The following NFAM1 variants were observed in gnomAD, a reference collection of about 807,000 sequenced individuals.
NFAM1 encodes NFAT activating protein with ITAM motif 1.
NFAM1 carries 17 observed loss-of-function variants against 29.0 expected under a neutral mutation model. The ratio of observed to expected loss-of-function variants is 0.59; its 90% CI spans 0.40 to 0.88. NFAM1 has a LOEUF of 0.88. NFAM1 is among the 40% of genes least tolerant of loss of function. The pLI, the probability that NFAM1 is intolerant of heterozygous loss-of-function variation, is 0.00. For synonymous variants in NFAM1, 175 were observed against 147.2 expected (o/e 1.19, Z -1.36); for missense variants, 324 against 344.6 (o/e 0.94, Z 0.47).
chr22:42,384,745 C>T lies in NFAM1; in HGVS notation c.*416G>A. 4.3e-6 allele frequency: 1 copy of T among 234,116 alleles called. No individual in the cohort carries two copies. The highest frequency in any genetic ancestry group is 8.5e-6 in the Non-Finnish European group (1 of 117,384). 14.5% of individuals were successfully genotyped at this position (234,116 alleles called of 1,614,324 possible). On this transcript the variant is annotated 3_prime_UTR_variant, in exon 6 of 6. Coordinates refer to ENST00000329021, the MANE Select transcript of NFAM1 (RefSeq NM_145912.8). ...TCCCCACACAGCACTGCTAGGCGCC[C>T]CTGCAGGGTCCTCCCTCAGCTCAGA...
At chr22:42,394,298 A>C (rs1362129748) in intron 4 of NFAM1, among the ~76,000 whole-genome samples, 1 of 152,122 alleles carries the variant, frequency 6.6e-6, no homozygotes. Flanking sequence ...TCTGCCTCCC[A>C]AAGTGCTGGG....
upstream of NFAM1, among the ~76,000 whole-genome samples, chr22:42,435,979 C>T (rs1278853467): frequency 1.3e-5 from 2 of 152,048 alleles, no homozygotes; most frequent in Non-Finnish European, 2.9e-5. Flanking sequence ...GCCACCACAC[C>T]TGGCTAATTT....
At chr22:42,414,653 T>C (rs1930198976) in intron 1 of NFAM1, among the ~76,000 whole-genome samples, 1 of 151,734 alleles carries the variant, frequency 6.6e-6, no homozygotes, top group African/African-American at 2.4e-5. Context: ...CCAGCAGCCC[T>C]GCACAGCACT....
chr22:42,401,988 C>A (rs1188021530), intron 3 of NFAM1, among the ~76,000 whole-genome samples: 1 of 152,244 alleles, frequency 6.6e-6, no homozygotes, highest in African/African-American at 2.4e-5. Context: ...GCGTGCCAGG[C>A]TCCCCCAGGT....
At chr22:42,405,624 C>T (rs1280526775) in intron 3 of NFAM1, among the ~76,000 whole-genome samples, 1 of 152,170 alleles carries the variant, frequency 6.6e-6, no homozygotes, top group Non-Finnish European at 1.5e-5. Flanking sequence ...AGCCTGAAGC[C>T]AGTGGGTCTC....
chr22:42,410,195 G>A (rs1447701605), intron 2 of NFAM1: 1 of 180,686 alleles, frequency 5.5e-6, no homozygotes, highest in African/African-American at 2.4e-5. Flanking sequence ...TCGCCATGAA[G>A]ACCAGGCCCA....
rs1296164883 is a variant in NFAM1, at chr22:42,432,388, T to C, written c.-31A>G. The C allele has an allele frequency of 1.3e-6, 2 of 1,536,804 alleles. No homozygotes were observed. Among genetic ancestry groups the C allele is most frequent in the Admixed American group, 2.1e-5 (1 of 46,908 alleles). On this transcript the variant is annotated 5_prime_UTR_variant, in exon 1 of 6. Transcript: ENST00000329021. ...GGCCTGCTTGTCTGCGGCGACTCTTTAGTTCACAGGAGGGGACGGCCGGCG... is the reference window on the plus strand; with the variant it reads ...GGCCTGCTTGTCTGCGGCGACTCTTCAGTTCACAGGAGGGGACGGCCGGCG...
At position 42,388,646 on chromosome 22, in the gene NFAM1, C is replaced by CGGGAGGGAAGGA. The variant is rs943580957; in HGVS notation, c.664-1580_664-1569dup. Reference sequence around the variant, plus strand: ...TCAGAGGCAGGAGGAGGGCGGGAGGCGGGAGGGAAGGAGGGAGGGAGGCAG... The same window carrying CGGGAGGGAAGGA: ...TCAGAGGCAGGAGGAGGGCGGGAGGCGGGAGGGAAGGAGGGAGGGAAGGAGGGAGGGAGGCAG... On this transcript the variant is annotated intron_variant, in intron 4 of 5. Transcript: ENST00000329021. The surrounding 1 kb of genome is among the most constrained non-coding windows in gnomAD (Gnocchi z 4.1). Among the ~76,000 whole-genome samples, 1 of 137,566 alleles carries CGGGAGGGAAGGA rather than the reference C, an allele frequency of 7.3e-6. No individual in the cohort carries two copies. The highest frequency in any genetic ancestry group is 2.6e-5 in the African/African-American group (1 of 38,160). The allele number at this position is 137,566 out of a possible 152,430, so 90.2% of individuals were successfully genotyped here.
At chr22:42,393,857 T>C (rs1459710564) in intron 4 of NFAM1, among the ~76,000 whole-genome samples, 1 of 152,150 alleles carries the variant, frequency 6.6e-6, no homozygotes, top group Admixed American at 6.6e-5. Flanking sequence ...TCAGAGAGTA[T>C]GTTCTGTATG....
intron 4 of NFAM1, among the ~76,000 whole-genome samples, chr22:42,390,025 C>G (rs1203415278): frequency 6.6e-6 from 1 of 152,134 alleles, no homozygotes; most frequent in African/African-American, 2.4e-5. Context: ...CCTCACCATG[C>G]ATCAGAGTCG....
intron 1 of NFAM1, among the ~76,000 whole-genome samples, chr22:42,423,440 C>T (rs1487615751): frequency 6.6e-6 from 1 of 152,124 alleles, no homozygotes; most frequent in African/African-American, 2.4e-5. Context: ...GAAACATGTT[C>T]ACTGTAGAAA....
At chr22:42,433,928 A>G (rs9623594), upstream of NFAM1, among the ~76,000 whole-genome samples, 1,458 of 152,202 alleles carry the variant, frequency 9.6e-3, 23 homozygotes, top group African/African-American at 0.033. Flanking sequence ...GAGCATTGGA[A>G]AAGCATCGGT....
Position 42,397,913 on chromosome 22 carries a change from G to C in NFAM1, c.608C>G (p.Pro203Arg), listed in dbSNP as rs762051697. 1 of 1,612,414 alleles carries C rather than the reference G, an allele frequency of 6.2e-7. No homozygotes were observed. Among genetic ancestry groups the C allele is most frequent in the Non-Finnish European group, 8.5e-7 (1 of 1,179,066 alleles). ...GGGGCTGCTGGCAGATCTTGGATCT[G>C]GGCACTTCCTGGTGGGGTCCTTCCC... ...GPGKDPTRKC[P>R]DPRSASSPKQ... The change falls in exon 4 of 6, where the codon CCA becomes CGA. Residue 203 changes from proline to arginine, a missense_variant. Coordinates refer to ENST00000329021, the MANE Select transcript of NFAM1 (RefSeq NM_145912.8).
intron 3 of NFAM1, among the ~76,000 whole-genome samples, chr22:42,402,218 GGA>G (rs998587583): frequency 2.0e-5 from 3 of 152,216 alleles, no homozygotes; most frequent in Non-Finnish European, 4.4e-5. Flanking sequence ...ATGGATGTGG[GGA>G]GAGAGAAGAG....
chr22:42,402,736 C>T (rs1929763899), intron 3 of NFAM1, among the ~76,000 whole-genome samples: 2 of 152,010 alleles, frequency 1.3e-5, no homozygotes, highest in Non-Finnish European at 2.9e-5. Flanking sequence ...AACCTACTCT[C>T]ATGGCAGGAA....
chr22:42,413,255 G>C (rs1036987020), intron 1 of NFAM1, among the ~76,000 whole-genome samples: 21 of 152,188 alleles, frequency 1.4e-4, no homozygotes, highest in Admixed American at 9.8e-4. Flanking sequence ...ATTGGGGAAA[G>C]AGAGGTGTGG....
Position 42,411,600 on chromosome 22 carries a change from A to G in NFAM1, c.258T>C (p.Asp86=). The part of the protein sequence containing the change: ...KVFTVSYFHE[D]LQGQRSPKKP... ...TCTTAGGGCTCCTCTGTCCCTGGAG[A>G]TCTTCATGAAAGTAGCTGACTGTGA... The change falls in exon 2 of 6, where the codon GAT becomes GAC. Residue 86 remains aspartate, a synonymous_variant. Coordinates refer to ENST00000329021, the MANE Select transcript of NFAM1 (RefSeq NM_145912.8). The G allele has an allele frequency of 6.2e-7, 1 of 1,614,150 alleles. No homozygotes were observed. The highest frequency in any genetic ancestry group is 8.5e-7 in the Non-Finnish European group (1 of 1,180,032).
intron 4 of NFAM1, among the ~76,000 whole-genome samples, chr22:42,389,095 C>G (rs1055126678): frequency 6.6e-6 from 1 of 152,178 alleles, no homozygotes; most frequent in African/African-American, 2.4e-5. Context: ...TGATTCTGGT[C>G]ACAGAGAAAA....
intron 3 of NFAM1, among the ~76,000 whole-genome samples, chr22:42,406,617 C>T (rs1201597092): frequency 2.6e-5 from 4 of 152,174 alleles, no homozygotes; most frequent in African/African-American, 7.2e-5. Context: ...TCCCTCATTC[C>T]AGGTGCTTCT....
Sources: gnomAD v4.1 joint callset for allele counts (sites outside exome capture counted in the v4.1 genomes callset) on GRCh38, gnomAD v4.1.1 for gene constraint, Gnocchi (gnomAD v3.1) non-coding constraint, MANE v1.5 for transcripts, NCBI Gene and HGNC (gene_info 2026-07-23, HGNC 2026-07-21) for gene names.